PDE11A: variants seen among roughly 807,000 people sequenced by gnomAD.
PDE11A encodes phosphodiesterase 11A.
Under a neutral mutation model 100.5 loss-of-function variants are expected in PDE11A, and 100 were observed. The observed-to-expected ratio is 1.00, with a 90% CI of 0.85 to 1.18. PDE11A has a LOEUF of 1.18. Ranked by LOEUF, PDE11A falls within the 50% of genes most tolerant of loss-of-function variation. PDE11A has a pLI of 0.00. For synonymous variants in PDE11A, 381 were observed against 420.8 expected, an observed-to-expected ratio of 0.91 and a Z score of 1.16; for missense variants, 1,141 against 1,152.6, an observed-to-expected ratio of 0.99 and a Z score of 0.15.
At chr2:177,654,816 C>CT (rs1470215702) in intron 19 of PDE11A, among the ~76,000 whole-genome samples, 1 of 152,106 alleles carries the variant, frequency 6.6e-6, no homozygotes, top group Non-Finnish European at 1.5e-5. Context: ...TATATTTCTC[C>CT]TTTTTTCCTT....
intron 15 of PDE11A, among the ~76,000 whole-genome samples, chr2:177,689,655 G>C (rs898075160): frequency 6.6e-6 from 1 of 152,176 alleles, no homozygotes; most frequent in African/African-American, 2.4e-5. Flanking sequence ...ATTTTGAAGT[G>C]AACTTTCTCC....
chr2:177,693,245 G>A (rs563668892), intron 15 of PDE11A, among the ~76,000 whole-genome samples: 159 of 152,306 alleles, frequency 1.0e-3, no homozygotes, highest in African/African-American at 3.5e-3. Flanking sequence ...ATGACTTCAT[G>A]TGTGAGAACA....
chr2:177,845,332 T>C (rs370440278), intron 5 of PDE11A, among the ~76,000 whole-genome samples: 2 of 111,728 alleles, frequency 1.8e-5, no homozygotes, highest in South Asian at 6.2e-4. Context: ...CCGGGCAGAG[T>C]CGCTCCTCAC....
chr2:177,719,060 T>G (rs951286236), intron 12 of PDE11A, among the ~76,000 whole-genome samples: 1 of 152,194 alleles, frequency 6.6e-6, no homozygotes, highest in Non-Finnish European at 1.5e-5. Context: ...ACATTGGTTG[T>G]GCTTTGTGGA....
chr2:178,080,068 A>C (rs2087264163), intron 2 of PDE11A, among the ~76,000 whole-genome samples: 1 of 152,122 alleles, frequency 6.6e-6, no homozygotes, highest in African/African-American at 2.4e-5. Flanking sequence ...GATAGATTGC[A>C]AAAATTTTCT....
At chr2:177,792,371 T>C (rs1323905332) in intron 9 of PDE11A, among the ~76,000 whole-genome samples, 1 of 152,172 alleles carries the variant, frequency 6.6e-6, no homozygotes, top group Non-Finnish European at 1.5e-5. Flanking sequence ...TAACTAGAAC[T>C]TTTAGTAGTC....
chr2:178,079,787 A>G (rs922804383), intron 2 of PDE11A, among the ~76,000 whole-genome samples: 5 of 151,994 alleles, frequency 3.3e-5, no homozygotes, highest in African/African-American at 1.2e-4. Flanking sequence ...TTCTCCACAA[A>G]CTCGCTAGCA....
In PDE11A at chr2:177,898,024, A is replaced by T. The variant is rs753214380; in HGVS notation, c.1302+34T>A. On this transcript the variant is annotated intron_variant, in intron 4 of 19. Transcript: ENST00000286063. The stretch of plus-strand genomic sequence containing the variant: ...AAACTCAACTTTATTCCATTCACAC[A>T]GTCTTCAACTTTAAAAGATAAAAGA... 3.3e-6 allele frequency: 5 copies of T among 1,530,862 alleles called. No homozygotes were observed. The African/African-American group carries it at 6.9e-5, about 21-fold the overall frequency. 94.8% of individuals were successfully genotyped at this position (1,530,862 alleles called of 1,614,324 possible).
chr2:177,754,875 T>C (rs1050282612), intron 10 of PDE11A, among the ~76,000 whole-genome samples: 13 of 152,238 alleles, frequency 8.5e-5, no homozygotes, highest in Non-Finnish European at 1.2e-4. Context: ...TGAATTCTAA[T>C]GAGGCCAGGA....
At chr2:177,943,868 T>C (rs901558012) in intron 2 of PDE11A, among the ~76,000 whole-genome samples, 3 of 152,228 alleles carry the variant, frequency 2.0e-5, no homozygotes, top group Non-Finnish European at 4.4e-5. Flanking sequence ...GTCTTACACT[T>C]AGGTCTTTAA....
At chr2:177,679,300 T>C (rs1354894033) in intron 16 of PDE11A, among the ~76,000 whole-genome samples, 1 of 152,010 alleles carries the variant, frequency 6.6e-6, no homozygotes, top group East Asian at 1.9e-4. Context: ...GATGATGAGG[T>C]AAAAACATGT....
intron 2 of PDE11A, among the ~76,000 whole-genome samples, chr2:177,936,845 C>T (rs1223652165): frequency 1.3e-5 from 2 of 151,890 alleles, no homozygotes; most frequent in Non-Finnish European, 2.9e-5. Flanking sequence ...CGCTTGAACC[C>T]AAGAGGTGGG....
At chr2:177,796,189 C>G (rs1279649978) in intron 9 of PDE11A, among the ~76,000 whole-genome samples, 1 of 151,866 alleles carries the variant, frequency 6.6e-6, no homozygotes, top group Admixed American at 6.6e-5. Context: ...GTCTTTGTGA[C>G]ACTCAGGTGA....
At chr2:177,664,972 G>A (rs2080546565) in intron 18 of PDE11A, among the ~76,000 whole-genome samples, 1 of 152,148 alleles carries the variant, frequency 6.6e-6, no homozygotes, top group African/African-American at 2.4e-5. Context: ...GTGGGAGTGG[G>A]TGGGGCAGAA....
chr2:177,729,199 T>C (rs1365004990), intron 10 of PDE11A, among the ~76,000 whole-genome samples: 2 of 152,136 alleles, frequency 1.3e-5, no homozygotes, highest in African/African-American at 4.8e-5. Context: ...CCTCCATAGG[T>C]GGAGCTTAGT....
chr2:177,770,961 C>T (rs1530035), intron 9 of PDE11A, among the ~76,000 whole-genome samples: 60,467 of 151,938 alleles, frequency 0.4, 14,485 homozygotes, highest in East Asian at 0.63. Context: ...CAAGTAGCTG[C>T]GACCACAGGC....
rs748839068 is a variant in PDE11A at position 177,957,910 on chromosome 2, C to CTTTTTTTTTTTTTTTTTTTTTTTT, written c.1072-52724_1072-52723insAAAAAAAAAAAAAAAAAAAAAAAA. Among the ~76,000 whole-genome samples, 158 of 114,424 alleles carry CTTTTTTTTTTTTTTTTTTTTTTTT rather than the reference C, an allele frequency of 1.4e-3. 12 individuals carry two copies. The highest frequency in any genetic ancestry group is 6.9e-3 in the Middle Eastern group (1 of 144). 75.1% of individuals were successfully genotyped at this position (114,424 alleles called of 152,430 possible). A position where few individuals can be genotyped will look rare whatever the true frequency, so the allele number is the denominator to read the frequency against. On this transcript the variant is annotated intron_variant, in intron 2 of 19. Transcript: ENST00000286063. ...TCCTTTACCTTTGTTTTTCCAATGC[C>CTTTTTTTTTTTTTTTTTTTTTTTT]TTTTTTTTGAGACGGAGTCTCTTGC... is the stretch of plus-strand genomic sequence containing the variant.
rs933817907 is a variant in PDE11A at position 177,743,053 on chromosome 2, T to C, written c.1789-14881A>G. 2.6e-5 allele frequency among the ~76,000 whole-genome samples: 4 copies of C among 152,370 alleles called. No individual in the cohort carries two copies. The South Asian group carries it at 6.2e-4, about 24-fold the overall frequency. On this transcript the variant is annotated intron_variant, in intron 10 of 19. Transcript: ENST00000286063. ...GTAATGTGTTTCTGAATTCGCCTCC[T>C]GCTTCTGCATAAACAACAACATGAT...
intron 2 of PDE11A, among the ~76,000 whole-genome samples, chr2:177,983,195 A>G (rs1334414818): frequency 6.6e-6 from 1 of 151,932 alleles, no homozygotes; most frequent in African/African-American, 2.4e-5. Flanking sequence ...TTTATTTCTA[A>G]TTTGTCCTCA....
Sources: allele counts gnomAD v4.1 joint callset (sites outside exome capture counted in the v4.1 genomes callset), GRCh38; gene constraint gnomAD v4.1.1; transcripts MANE v1.5; gene names NCBI Gene and HGNC (gene_info 2026-07-23, HGNC 2026-07-21).